The following DCC variants were observed in gnomAD, a reference collection of about 807,000 sequenced individuals.
DCC encodes the protein DCC netrin 1 receptor, also known as netrin receptor DCC.
DCC carries 58 observed loss-of-function variants against 172.5 expected under a neutral mutation model. The observed-to-expected ratio is 0.34, with a 90% CI of 0.27 to 0.42. The LOEUF is 0.42. DCC is among the 10% of genes least tolerant of loss of function. The pLI, the probability that DCC is intolerant of heterozygous loss-of-function variation, is 1.00. For missense variants in DCC, 1,740 were observed against 1,791.0 expected (o/e 0.97, Z 0.51); for synonymous variants, 709 against 644.5 (o/e 1.10, Z -1.52).
chr18:53,433,220 A>G (rs1911734259), intron 21 of DCC, among the ~76,000 whole-genome samples: 1 of 152,084 alleles, frequency 6.6e-6, no homozygotes, highest in African/African-American at 2.4e-5. Flanking sequence ...TCTTCTACCT[A>G]TTGAAATTCA....
At position 52,888,840 on chromosome 18, in the gene DCC, T is replaced by C. The variant is rs75175848; in HGVS notation, c.413-17204T>C. 6.6e-4 allele frequency among the ~76,000 whole-genome samples: 101 copies of C among 152,182 alleles called. 1 individual carries two copies. The East Asian group carries it at 0.018, about 27-fold the overall frequency. On this transcript the variant is annotated intron_variant, in intron 2 of 28. Coordinates refer to ENST00000442544, the MANE Select transcript of DCC (RefSeq NM_005215.4). Reference sequence around the variant, plus strand: ...GCCCACATAAAAATAGAGGGATATATGTATATATTTGACTAGACTTTTGCA... The same window carrying C: ...GCCCACATAAAAATAGAGGGATATACGTATATATTTGACTAGACTTTTGCA...
chr18:53,217,264 C>T (rs2055866493), intron 12 of DCC, among the ~76,000 whole-genome samples: 2 of 35,674 alleles, frequency 5.6e-5, no homozygotes, highest in African/African-American at 1.1e-4. Flanking sequence ...ATATATTATA[C>T]ACACACACAC....
intron 1 of DCC, among the ~76,000 whole-genome samples, chr18:52,561,794 A>C (rs1463763833): frequency 6.6e-6 from 1 of 152,176 alleles, no homozygotes; most frequent in Non-Finnish European, 1.5e-5. Flanking sequence ...TGTAAATTGA[A>C]AAATGCTATA....
chr18:52,955,202 C>T (rs1485888825), intron 5 of DCC, among the ~76,000 whole-genome samples: 1 of 152,076 alleles, frequency 6.6e-6, no homozygotes, highest in Middle Eastern at 3.2e-3. Context: ...ATCCTTTGTG[C>T]TCTCCCTATT....
At chr18:53,273,924 T>C (rs1385976312) in intron 12 of DCC, among the ~76,000 whole-genome samples, 1 of 151,998 alleles carries the variant, frequency 6.6e-6, no homozygotes, top group Non-Finnish European at 1.5e-5. Context: ...TGTTCCCTGA[T>C]AATATTGTGT....
At chr18:52,582,824 C>A (rs1474364553) in intron 1 of DCC, among the ~76,000 whole-genome samples, 1 of 152,108 alleles carries the variant, frequency 6.6e-6, no homozygotes, top group Non-Finnish European at 1.5e-5. Flanking sequence ...AAAATTTAGG[C>A]ATGGCCCTGG....
intron 5 of DCC, among the ~76,000 whole-genome samples, chr18:53,050,333 AT>A (rs1166999464): frequency 6.6e-6 from 1 of 152,054 alleles, no homozygotes; most frequent in Non-Finnish European, 1.5e-5. Flanking sequence ...GCATCCTTCA[AT>A]CCAATCAAGT....
At chr18:53,132,049 G>A (rs2043664808) in intron 7 of DCC, among the ~76,000 whole-genome samples, 2 of 135,990 alleles carry the variant, frequency 1.5e-5, no homozygotes, top group Middle Eastern at 4.5e-3. Flanking sequence ...TTAGCAGATA[G>A]CAAGCTTTTT....
At chr18:53,056,733 C>A (rs1307254151) in intron 5 of DCC, among the ~76,000 whole-genome samples, 1 of 152,040 alleles carries the variant, frequency 6.6e-6, no homozygotes, top group East Asian at 1.9e-4. Context: ...AGCTGGCTTT[C>A]CACTGTTCTC....
intron 15 of DCC, among the ~76,000 whole-genome samples, chr18:53,354,666 T>G (rs1396346907): frequency 6.6e-6 from 1 of 152,052 alleles, no homozygotes; most frequent in Admixed American, 6.6e-5. Flanking sequence ...TTAGCCCTTT[T>G]CAGATGAGTA....
chr18:52,635,985 C>T (rs952320646), intron 1 of DCC, among the ~76,000 whole-genome samples: 2 of 152,224 alleles, frequency 1.3e-5, no homozygotes, highest in Admixed American at 6.5e-5. Context: ...TGGACTGCTC[C>T]TGCAGGACCT....
intron 3 of DCC, among the ~76,000 whole-genome samples, chr18:52,917,637 G>A (rs187085404): frequency 6.6e-5 from 10 of 152,292 alleles, no homozygotes; most frequent in East Asian, 1.9e-4. Context: ...CAAAGGCAAC[G>A]TATTGCCATA....
chr18:52,360,675 T>TA (rs938474611), intron 1 of DCC, among the ~76,000 whole-genome samples: 1 of 152,168 alleles, frequency 6.6e-6, no homozygotes, highest in Non-Finnish European at 1.5e-5. Context: ...GTGCATGATT[T>TA]AAAAAAATCA....
intron 21 of DCC, among the ~76,000 whole-genome samples, chr18:53,425,547 C>T (rs1240153724): frequency 3.3e-5 from 5 of 151,592 alleles, no homozygotes; most frequent in African/African-American, 9.7e-5. Flanking sequence ...TTTTTAGTAG[C>T]GGTGGGGTTT....
At chr18:53,278,916 G>T (rs998180963) in intron 12 of DCC, among the ~76,000 whole-genome samples, 1 of 152,054 alleles carries the variant, frequency 6.6e-6, no homozygotes, top group Non-Finnish European at 1.5e-5. Context: ...TAATCCTTTG[G>T]GTATATACCC....
intron 1 of DCC, among the ~76,000 whole-genome samples, chr18:52,569,952 C>T (rs1018969467): frequency 2.6e-5 from 4 of 151,924 alleles, no homozygotes; most frequent in African/African-American, 7.3e-5. Context: ...ATCTTAAAGT[C>T]GTAGTTGAAT....
In DCC at chr18:53,122,257, A is replaced by T. The variant is rs1323968818; in HGVS notation, c.1262-35099A>T. Among the ~76,000 whole-genome samples, 4 of 151,994 alleles carry T rather than the reference A, an allele frequency of 2.6e-5. No individual in the cohort carries two copies. In the East Asian group the frequency reaches 5.8e-4, roughly 22 times the overall value. On this transcript the variant is annotated intron_variant, in intron 7 of 28. Transcript: ENST00000442544. Reference sequence around the variant, plus strand: ...TGATGCTCAGTGCTAATTTTACTGTAATAGATATAGAAATAGAAATAAAAA... The same window carrying T: ...TGATGCTCAGTGCTAATTTTACTGTTATAGATATAGAAATAGAAATAAAAA...
At chr18:52,816,065 A>T (rs1189787347) in intron 2 of DCC, among the ~76,000 whole-genome samples, 4 of 152,206 alleles carry the variant, frequency 2.6e-5, no homozygotes, top group African/African-American at 7.2e-5. Flanking sequence ...TAAGCACCTC[A>T]CATGTATCTG....
chr18:53,194,486 TAGATGG>T, intron 9 of DCC, among the ~76,000 whole-genome samples: 1 of 152,010 alleles, frequency 6.6e-6, no homozygotes, highest in East Asian at 1.9e-4. Flanking sequence ...GTTTTTTTTT[TAGATGG>T]AGTCTTGCTC....
Sources: gnomAD v4.1 joint callset for allele counts (sites outside exome capture counted in the v4.1 genomes callset) on GRCh38, gnomAD v4.1.1 for gene constraint, MANE v1.5 for transcripts, NCBI Gene and HGNC (gene_info 2026-07-23, HGNC 2026-07-21) for gene names.